Variants in ANO3 observed in about 807,000 individuals in gnomAD.
ANO3 encodes the protein anoctamin-3.
Under a neutral mutation model 144.8 loss-of-function variants are expected in ANO3, and 99 were observed. The ratio of observed to expected loss-of-function variants is 0.68; its 90% confidence interval spans 0.58 to 0.81. ANO3 has a LOEUF of 0.81. ANO3 is among the 30% of genes least tolerant of loss of function. The probability of loss-of-function intolerance (pLI) is 0.00; values close to 1 mark genes in which losing one functional copy is unlikely to be tolerated. For missense variants in ANO3, 905 were observed against 1,202.2 expected (o/e 0.75, Z 3.66); for synonymous variants, 414 against 392.6 (o/e 1.05, Z -0.64).
At chr11:26,337,804 G>A (rs1288135794) in intron 1 of ANO3, among the ~76,000 whole-genome samples, 2 of 151,922 alleles carry the variant, frequency 1.3e-5, no homozygotes, top group African/African-American at 2.4e-5. Flanking sequence ...GTGTGGTGAC[G>A]GGCACCTGTA....
rs548674423 is a variant in ANO3 at position 26,619,587 on chromosome 11, A to ACCTCAGC, written c.1837-4873_1837-4867dup. ...CTCCCATATTCAAGCTATTCTCATTACCTCAGCCTCCCAAGTAATTGGGGG... is the reference window on the plus strand; with the variant it reads ...CTCCCATATTCAAGCTATTCTCATTACCTCAGCCCTCAGCCTCCCAAGTAATTGGGGG... On this transcript the variant is annotated intron_variant, in intron 17 of 26. Transcript: ENST00000256737. Among the ~76,000 whole-genome samples the ACCTCAGC allele has an allele frequency of 1.7e-4, 26 of 151,966 alleles. No individual in the cohort carries two copies. The South Asian group carries it at 4.6e-3, about 27-fold the overall frequency.
intron 5 of ANO3, among the ~76,000 whole-genome samples, chr11:26,510,584 C>G (rs1327003405): frequency 6.6e-6 from 1 of 152,196 alleles, no homozygotes; most frequent in Non-Finnish European, 1.5e-5. Flanking sequence ...GTTTTTCTCA[C>G]ATATCTCAAA....
chr11:26,345,505 T>C (rs1256216138), intron 1 of ANO3, among the ~76,000 whole-genome samples: 1 of 152,162 alleles, frequency 6.6e-6, no homozygotes. Context: ...TGAGCTGAGA[T>C]CATGCCATTG....
chr11:26,202,313 C>CATATGTATCT (rs1349072880), intron 1 of ANO3, among the ~76,000 whole-genome samples: 1 of 141,398 alleles, frequency 7.1e-6, no homozygotes, highest in Non-Finnish European at 1.5e-5. Flanking sequence ...TTATATATAT[C>CATATGTATCT]ATATAGATAC....
At chr11:26,600,353 CCCTCT>C (rs1359224982) in intron 17 of ANO3, among the ~76,000 whole-genome samples, 22 of 72,700 alleles carry the variant, frequency 3.0e-4, no homozygotes, top group African/African-American at 1.1e-3. Context: ...CTTTCCTCTC[CCCTCT>C]CCTCTCCTCT....
At chr11:26,532,756 A>C (rs1319786005) in intron 8 of ANO3, among the ~76,000 whole-genome samples, 1 of 151,918 alleles carries the variant, frequency 6.6e-6, no homozygotes, top group Non-Finnish European at 1.5e-5. Flanking sequence ...TTCAGCTCCT[A>C]CTCAAACACC....
chr11:26,509,091 CTA>C (rs1554963452), intron 5 of ANO3, among the ~76,000 whole-genome samples: 3,261 of 83,906 alleles, frequency 0.039, 58 homozygotes, highest in Non-Finnish European at 0.064. Flanking sequence ...ATACACACAT[CTA>C]TCTCTCTCTC....
chr11:26,558,419 G>A (rs1464439261), intron 13 of ANO3, among the ~76,000 whole-genome samples: 3 of 152,038 alleles, frequency 2.0e-5, no homozygotes, highest in African/African-American at 7.2e-5. Flanking sequence ...GTCTCTGTGG[G>A]ACGTCTTGAG....
intron 1 of ANO3, 119 bp downstream of exon 1, chr11:26,332,440 A>C: frequency 2.6e-6 from 2 of 765,854 alleles, no homozygotes; most frequent in Non-Finnish European, 4.0e-6. Context: ...GAACTCTGTG[A>C]AGTTAAAAAA....
At chr11:26,455,969 G>T (rs935105247) in intron 3 of ANO3, among the ~76,000 whole-genome samples, 2 of 151,474 alleles carry the variant, frequency 1.3e-5, no homozygotes, top group Non-Finnish European at 2.9e-5. Context: ...AACAAGCAAT[G>T]GGGAAAGGAT....
At chr11:26,518,346 G>A (rs1237808039) in intron 6 of ANO3, among the ~76,000 whole-genome samples, 4 of 151,944 alleles carry the variant, frequency 2.6e-5, no homozygotes, top group Non-Finnish European at 5.9e-5. Flanking sequence ...TTATTCTCTG[G>A]TCTGTGCATA....
At chr11:26,199,855 C>A (rs1475844447) in intron 1 of ANO3, among the ~76,000 whole-genome samples, 1 of 152,128 alleles carries the variant, frequency 6.6e-6, no homozygotes, top group East Asian at 1.9e-4. Flanking sequence ...TTTTAAGAAA[C>A]CTTCCTTTGT....
At chr11:26,534,077 A>G (rs986654968) in intron 8 of ANO3, among the ~76,000 whole-genome samples, 6 of 152,168 alleles carry the variant, frequency 3.9e-5, no homozygotes, top group African/African-American at 1.4e-4. Context: ...TTTCATTGTT[A>G]AGGCTCTGAA....
At chr11:26,320,564 T>C (rs545309104) in intron 1 of ANO3, among the ~76,000 whole-genome samples, 1 of 152,328 alleles carries the variant, frequency 6.6e-6, no homozygotes, top group South Asian at 2.1e-4. Flanking sequence ...GATGTATATA[T>C]TGTTTCCTAT....
intron 1 of ANO3, among the ~76,000 whole-genome samples, chr11:26,257,908 A>G (rs1336058396): frequency 6.6e-6 from 1 of 152,162 alleles, no homozygotes; most frequent in Non-Finnish European, 1.5e-5. Context: ...GAAAAGAAAT[A>G]AAATTTATAC....
At chr11:26,412,482 A>T (rs1857458639) in intron 1 of ANO3, among the ~76,000 whole-genome samples, 1 of 152,066 alleles carries the variant, frequency 6.6e-6, no homozygotes, top group African/African-American at 2.4e-5. Context: ...ATAACATCGT[A>T]ACTGTAGTAA....
Position 26,516,572 on chromosome 11 carries a change from G to T in ANO3, c.592-255G>T, listed in dbSNP as rs77677955. Among the ~76,000 whole-genome samples the T allele has an allele frequency of 0.11, 16,709 of 151,886 alleles. 1,285 individuals are homozygous for T. Among genetic ancestry groups the T allele is most frequent in the Admixed American group, 0.15 (2,353 of 15,242 alleles). On this transcript the variant is annotated intron_variant, in intron 5 of 26. Coordinates refer to ENST00000256737, the MANE Select transcript of ANO3 (RefSeq NM_031418.4). ...GATTGTTCTGATTGGGGATTCTGCAGGTTGAAAATCATCAATGTAAGAAAA... is the reference window on the plus strand; with the variant it reads ...GATTGTTCTGATTGGGGATTCTGCATGTTGAAAATCATCAATGTAAGAAAA...
intron 1 of ANO3, among the ~76,000 whole-genome samples, chr11:26,319,863 A>ATCAG (rs2133878080): frequency 6.6e-6 from 1 of 152,138 alleles, no homozygotes; most frequent in African/African-American, 2.4e-5. Context: ...ATTTTTATCA[A>ATCAG]TGTACAATCA....
At chr11:26,539,671 C>T (rs1849597248) in intron 10 of ANO3, among the ~76,000 whole-genome samples, 1 of 152,128 alleles carries the variant, frequency 6.6e-6, no homozygotes, top group South Asian at 2.1e-4. Context: ...GTCTTCTTTC[C>T]TTATGGGAGC....
Sources: allele counts gnomAD v4.1 joint callset (sites outside exome capture counted in the v4.1 genomes callset), GRCh38; gene constraint gnomAD v4.1.1; transcripts MANE v1.5; gene names NCBI Gene and HGNC (gene_info 2026-07-23, HGNC 2026-07-21).